Variants in ERC2 observed in about 807,000 individuals in gnomAD.
ERC2 encodes the protein ERC protein 2.
A neutral mutation model predicts 114.8 loss-of-function variants in ERC2; 42 were observed. The observed-to-expected ratio is 0.37, with a 90% CI of 0.29 to 0.47. ERC2 has a LOEUF of 0.47. Among genes scored for constraint, ERC2 ranks in the 20% least tolerant of loss-of-function variants. The pLI is 0.99. For synonymous variants in ERC2, 454 were observed against 425.5 expected (o/e 1.07, Z -0.82); for missense variants, 939 against 1,150.7 (o/e 0.82, Z 2.66).
intron 17 of ERC2, among the ~76,000 whole-genome samples, chr3:55,539,891 T>C (rs1229494422): frequency 3.3e-5 from 5 of 151,958 alleles, no homozygotes; most frequent in Non-Finnish European, 7.4e-5. Context: ...TAAATGCTCA[T>C]TGTAAATAAT....
chr3:56,446,997 G>A (rs148592642), intron 1 of ERC2, among the ~76,000 whole-genome samples: 2 of 152,318 alleles, frequency 1.3e-5, no homozygotes, highest in Non-Finnish European at 2.9e-5. Context: ...TGGAGAACCG[G>A]CCTCATAGGT....
chr3:55,836,619 A>C (rs1455836783), intron 14 of ERC2, among the ~76,000 whole-genome samples: 3 of 152,164 alleles, frequency 2.0e-5, no homozygotes, highest in Non-Finnish European at 4.4e-5. Flanking sequence ...TGGATTAAAG[A>C]CTTAAACGTT....
At chr3:56,337,480 G>A (rs1321324408) in intron 2 of ERC2, among the ~76,000 whole-genome samples, 1 of 152,190 alleles carries the variant, frequency 6.6e-6, no homozygotes, top group African/African-American at 2.4e-5. Context: ...AAAATGAGGG[G>A]AACAATTTCA....
chr3:56,263,187 T>G (rs979244794), intron 3 of ERC2, among the ~76,000 whole-genome samples: 2 of 152,088 alleles, frequency 1.3e-5, no homozygotes, highest in Non-Finnish European at 2.9e-5. Flanking sequence ...TTCTCACTGA[T>G]TTACAAATAT....
At chr3:56,447,882 A>G (rs1193350887) in intron 1 of ERC2, among the ~76,000 whole-genome samples, 1 of 151,926 alleles carries the variant, frequency 6.6e-6, no homozygotes, top group East Asian at 1.9e-4. Flanking sequence ...AGCTGCGATT[A>G]CAGGTGCCCA....
chr3:56,454,785 A>T (rs1483999471), intron 1 of ERC2, among the ~76,000 whole-genome samples: 1 of 143,254 alleles, frequency 7.0e-6, no homozygotes, highest in Non-Finnish European at 1.5e-5. Flanking sequence ...CGGGAGGCAG[A>T]GGTTGAGAGG....
intron 17 of ERC2, among the ~76,000 whole-genome samples, chr3:55,559,174 T>C (rs1482503539): frequency 6.6e-6 from 1 of 152,236 alleles, no homozygotes; most frequent in Non-Finnish European, 1.5e-5. Context: ...CCTATGGGCC[T>C]GGACCACAGA....
At chr3:56,396,771 A>G (rs1037072447) in intron 2 of ERC2, among the ~76,000 whole-genome samples, 1 of 152,126 alleles carries the variant, frequency 6.6e-6, no homozygotes, top group African/African-American at 2.4e-5. Flanking sequence ...TCAAAGGAGA[A>G]CGGTCCCTTC....
At chr3:55,553,896 T>A (rs540216312) in intron 17 of ERC2, among the ~76,000 whole-genome samples, 15 of 152,366 alleles carry the variant, frequency 9.8e-5, no homozygotes, top group African/African-American at 3.6e-4. Context: ...ATGTTAATAG[T>A]CATAGAACTA....
chr3:55,906,397 A>C (rs922274679), intron 13 of ERC2, among the ~76,000 whole-genome samples: 1 of 140,600 alleles, frequency 7.1e-6, no homozygotes, highest in Non-Finnish European at 1.5e-5. Flanking sequence ...GCGCCACTGC[A>C]CTCCAGCCTG....
At chr3:55,684,078 C>T (rs558071870) in intron 16 of ERC2, among the ~76,000 whole-genome samples, 1 of 152,298 alleles carries the variant, frequency 6.6e-6, no homozygotes, top group South Asian at 2.1e-4. Flanking sequence ...GCAACCCACA[C>T]ACAAAAACAT....
At chr3:56,016,477 C>G (rs1433841192) in intron 8 of ERC2, among the ~76,000 whole-genome samples, 4 of 150,082 alleles carry the variant, frequency 2.7e-5, no homozygotes, top group Admixed American at 2.7e-4. Context: ...ATATGCTTAC[C>G]CATCTTTTTA....
At chr3:56,014,446 G>T (rs2073168499) in intron 8 of ERC2, among the ~76,000 whole-genome samples, 1 of 152,064 alleles carries the variant, frequency 6.6e-6, no homozygotes, top group Non-Finnish European at 1.5e-5. Context: ...GAAACTTAGA[G>T]GTCAGCTAAT....
intron 9 of ERC2, among the ~76,000 whole-genome samples, chr3:56,009,549 G>A (rs2072755663): frequency 6.6e-6 from 1 of 152,178 alleles, no homozygotes; most frequent in East Asian, 1.9e-4. Context: ...ATAGATAACT[G>A]TGCTGTGGTA....
intron 3 of ERC2, among the ~76,000 whole-genome samples, chr3:56,207,075 G>T (rs893411636): frequency 5.3e-5 from 8 of 152,184 alleles, no homozygotes; most frequent in African/African-American, 1.9e-4. Flanking sequence ...GAGATAGGAA[G>T]ATTATCATTA....
At chr3:55,995,458 CT>C (rs2071433966) in intron 10 of ERC2, among the ~76,000 whole-genome samples, 3 of 152,168 alleles carry the variant, frequency 2.0e-5, no homozygotes, top group Non-Finnish European at 2.9e-5. Context: ...TGTCAAGCCA[CT>C]TTCAATCTTG....
intron 17 of ERC2, among the ~76,000 whole-genome samples, chr3:55,584,573 T>C (rs564773578): frequency 3.3e-5 from 5 of 152,230 alleles, no homozygotes; most frequent in Non-Finnish European, 7.4e-5. Context: ...GTGGAGATGG[T>C]GAGGCATTGG....
chr3:55,527,055 GC>G (rs1168016530), intron 17 of ERC2, among the ~76,000 whole-genome samples: 5 of 152,216 alleles, frequency 3.3e-5, no homozygotes, highest in African/African-American at 1.2e-4. Flanking sequence ...TATCCACATG[GC>G]TATTCAGTGC....
intron 13 of ERC2, among the ~76,000 whole-genome samples, chr3:55,896,388 T>C (rs1446386244): frequency 6.6e-6 from 1 of 152,212 alleles, no homozygotes; most frequent in African/African-American, 2.4e-5. Flanking sequence ...AGCTGGAAGA[T>C]GCCCTGTGGT....
Sources: allele counts gnomAD v4.1 joint callset (sites outside exome capture counted in the v4.1 genomes callset), GRCh38; gene constraint gnomAD v4.1.1; transcripts MANE v1.5; gene names NCBI Gene and HGNC (gene_info 2026-07-23, HGNC 2026-07-21).